Variants in FAM118A observed in about 807,000 individuals in gnomAD.
The protein encoded by FAM118A is protein FAM118A.
A neutral mutation model predicts 38.2 loss-of-function variants in FAM118A; 25 were observed. That is an observed-to-expected ratio of 0.65 (90% CI 0.48 to 0.91). The LOEUF is 0.91. Among genes scored for constraint, FAM118A ranks in the 40% least tolerant of loss-of-function variants. FAM118A has a pLI of 0.00. For missense variants in FAM118A, 425 were observed against 463.3 expected, an observed-to-expected ratio of 0.92 and a Z score of 0.76; for synonymous variants, 178 against 184.1, an observed-to-expected ratio of 0.97 and a Z score of 0.27.
rs754345601 is a variant in FAM118A at position 45,314,508 on chromosome 22, C to T, written c.-10+4325C>T. On this transcript the variant is annotated intron_variant, in intron 1 of 8. Coordinates refer to ENST00000441876, the MANE Select transcript of FAM118A (RefSeq NM_017911.4). ...GCCAGGAGTTACTTTATAGCTTGTTCCCAGCCCCGTGGGGGAAGTTGACAA... is the reference window on the plus strand; with the variant it reads ...GCCAGGAGTTACTTTATAGCTTGTTTCCAGCCCCGTGGGGGAAGTTGACAA... Among the ~76,000 whole-genome samples, 23 of 152,366 alleles carry T rather than the reference C, an allele frequency of 1.5e-4. No homozygotes were observed. The South Asian group carries it at 2.5e-3, about 16-fold the overall frequency.
Position 45,336,376 on chromosome 22 carries a change from T to C in FAM118A, c.1019T>C (p.Ile340Thr), listed in dbSNP as rs1238903907. Reference protein sequence around the residue: ...CAKRKLEENGIEVSKKRTQSD... With the variant: ...CAKRKLEENGTEVSKKRTQSD... ...AAGAGGAAGTTAGAAGAGAATGGAA[T>C]TGAAGTTTCAAAAAAACGCACACAA... The change falls in exon 8 of 9, where the codon ATT becomes ACT. Residue 340 changes from isoleucine to threonine, a missense_variant. Transcript: ENST00000441876. The C allele has an allele frequency of 1.2e-6, 2 of 1,614,106 alleles. No homozygotes were observed. Among genetic ancestry groups the C allele is most frequent in the East Asian group, 4.5e-5 (2 of 44,880 alleles).
rs1277734361 is a variant in FAM118A, at chr22:45,310,181, C to A, written c.-12C>A. On this transcript the variant is annotated splice_region_variant and 5_prime_UTR_variant, in exon 1 of 9. Transcript: ENST00000441876. The stretch of plus-strand genomic sequence containing the variant: ...TGGGACCAGCGTCTCGGAGGCGCCG[C>A]AGGTGAGGGGGCGGGGCGGGCCCGC... 1.3e-5 allele frequency: 2 copies of A among 150,280 alleles called. No homozygotes were observed. The highest frequency in any genetic ancestry group is 2.4e-5 in the African/African-American group (1 of 40,860). The allele number at this position is 150,280 out of a possible 1,614,324, so 9.3% of individuals were successfully genotyped here.
At chr22:45,336,449 GTC>G (rs1417726031) in intron 8 of FAM118A, 38 bp downstream of exon 8, 1 of 1,527,742 alleles carries the variant, frequency 6.5e-7, no homozygotes, top group Non-Finnish European at 9.1e-7. Flanking sequence ...GCTGCCTCGG[GTC>G]TCTCTTGTTG....
At chr22:45,328,751 C>T (rs2085492904) in intron 4 of FAM118A, 1 of 428,600 alleles carries the variant, frequency 2.3e-6, no homozygotes, top group Non-Finnish European at 4.3e-6. Flanking sequence ...GTACTCCAGC[C>T]TGGGCAAGAG....
intron 6 of FAM118A, 127 bp downstream of exon 6, chr22:45,332,837 C>A: frequency 1.0e-6 from 1 of 993,106 alleles, no homozygotes; most frequent in Non-Finnish European, 1.5e-6. Context: ...ACCTCCGCCT[C>A]CTAGGTTCAA....
At chr22:45,320,864 A>G (rs1373701956) in intron 1 of FAM118A, among the ~76,000 whole-genome samples, 1 of 152,108 alleles carries the variant, frequency 6.6e-6, no homozygotes, top group East Asian at 1.9e-4. Context: ...CATACTCTCT[A>G]ACTCAGCAGT....
chr22:45,330,077 T>A (rs2085596191), intron 4 of FAM118A: 2 of 152,252 alleles, frequency 1.3e-5, no homozygotes, highest in South Asian at 2.1e-4. Context: ...GAAATAGCAG[T>A]AATTAAAATA....
At chr22:45,323,773 C>G (rs374933803) in intron 3 of FAM118A, among the ~76,000 whole-genome samples, 2 of 152,126 alleles carry the variant, frequency 1.3e-5, no homozygotes, top group Non-Finnish European at 2.9e-5. Flanking sequence ...GTAAGCAGGC[C>G]GGCCATATTT....
intron 4 of FAM118A, 31 bp from the exon 5 acceptor site, chr22:45,330,572 T>C: frequency 6.7e-7 from 1 of 1,494,108 alleles, no homozygotes; most frequent in Non-Finnish European, 8.9e-7. Context: ...TTTGAGGATG[T>C]GTTTCTTTTT....
intron 1 of FAM118A, chr22:45,319,080 A>G (rs2084736869): frequency 6.6e-6 from 1 of 152,236 alleles, no homozygotes; most frequent in Admixed American, 6.5e-5. Flanking sequence ...GAAGATGTGT[A>G]AATGCAGTAT....
chr22:45,319,281 G>T (rs1175761510), intron 1 of FAM118A, among the ~76,000 whole-genome samples: 1 of 152,118 alleles, frequency 6.6e-6, no homozygotes, highest in Admixed American at 6.5e-5. Context: ...GTGTACAGAC[G>T]GCTGAACTAA....
At chr22:45,323,124 G>A (rs778847889) in intron 2 of FAM118A, 51 bp from the exon 3 acceptor site, 1 of 1,594,946 alleles carries the variant, frequency 6.3e-7, no homozygotes, top group African/African-American at 1.3e-5. Flanking sequence ...CTTTGTGTTT[G>A]CAATGTTTCC....
At position 45,332,658 on chromosome 22, in the gene FAM118A, T is replaced by C. The variant is rs763316677; in HGVS notation, c.885T>C (p.Phe295=). The C allele has an allele frequency of 3.1e-6, 5 of 1,614,012 alleles. No homozygotes were observed. Among genetic ancestry groups the C allele is most frequent in the South Asian group, 1.1e-5 (1 of 91,082 alleles). ...CCTACGGGGACTGTTTTGACCACTT[T>C]CCAGGATATGTGCAAGACCTTGCCA... ...VVSYGDCFDH[F]PGYVQDLATQ... Residue 295 remains phenylalanine, a synonymous_variant, in exon 6 of 9, where the codon TTT becomes TTC. Transcript: ENST00000441876.
At chr22:45,319,449 C>T (rs1268140034) in intron 1 of FAM118A, among the ~76,000 whole-genome samples, 5 of 152,194 alleles carry the variant, frequency 3.3e-5, no homozygotes, top group Middle Eastern at 3.2e-3. Context: ...CAAGTCCTGC[C>T]CCACAGCAGG....
At chr22:45,340,325 G>GC in intron 8 of FAM118A, 61 bp from the exon 9 acceptor site, 1 of 1,590,494 alleles carries the variant, frequency 6.3e-7, no homozygotes, top group Non-Finnish European at 8.6e-7. Flanking sequence ...GAAATCTATT[G>GC]CAAATAACTT....
Position 45,335,220 on chromosome 22 carries a change from G to C in FAM118A, c.938-130G>C, listed in dbSNP as rs2085999784. On this transcript the variant is annotated intron_variant, in intron 6 of 8. Transcript: ENST00000441876. Reference sequence around the variant, plus strand: ...GCAGCGAGCAGCGCAGGAGTCCGCAGCCCGCGCGGGCTGACCTGCCCAGAA... The same window carrying C: ...GCAGCGAGCAGCGCAGGAGTCCGCACCCCGCGCGGGCTGACCTGCCCAGAA... 1.4e-5 allele frequency: 13 copies of C among 937,126 alleles called. No homozygotes were observed. The Admixed American group carries it at 2.8e-4, about 20-fold the overall frequency. 58.1% of individuals were successfully genotyped at this position (937,126 alleles called of 1,614,324 possible). A position where few individuals can be genotyped will look rare whatever the true frequency, so the allele number is the denominator to read the frequency against.
chr22:45,336,644 G>C (rs1447215386), intron 8 of FAM118A, among the ~76,000 whole-genome samples: 1 of 152,162 alleles, frequency 6.6e-6, no homozygotes, highest in Non-Finnish European at 1.5e-5. Context: ...AAATGTTACG[G>C]AGAAAACATA....
intron 1 of FAM118A, among the ~76,000 whole-genome samples, chr22:45,311,837 G>C (rs1227914437): frequency 6.6e-6 from 1 of 152,142 alleles, no homozygotes; most frequent in Non-Finnish European, 1.5e-5. Context: ...AGGCCCAGAA[G>C]ACTGGTTCCC....
intron 8 of FAM118A, among the ~76,000 whole-genome samples, chr22:45,337,024 T>C (rs1226455466): frequency 6.6e-6 from 1 of 152,252 alleles, no homozygotes; most frequent in East Asian, 1.9e-4. Context: ...CGATCTCGCT[T>C]GTTCGTGCCG....
Sources: gnomAD v4.1 joint callset for allele counts (sites outside exome capture counted in the v4.1 genomes callset) on GRCh38, gnomAD v4.1.1 for gene constraint, MANE v1.5 for transcripts, NCBI Gene and HGNC (gene_info 2026-07-23, HGNC 2026-07-21) for gene names.